The following GRIK4 variants were observed in gnomAD, a reference collection of about 807,000 sequenced individuals.
GRIK4 encodes the protein glutamate ionotropic receptor kainate type subunit 4, also known as glutamate receptor ionotropic, kainate 4.
In GRIK4, 40 loss-of-function variants were observed where a neutral mutation model predicts 104.9. The ratio of observed to expected loss-of-function variants is 0.38; its 90% CI spans 0.30 to 0.50. The LOEUF (loss-of-function observed/expected upper bound fraction) is 0.50. Ranked by LOEUF, GRIK4 falls within the 20% of genes least tolerant of loss-of-function variation. The pLI is 0.93. For missense variants in GRIK4, 1,047 were observed against 1,308.1 expected (o/e 0.80, Z 3.08); for synonymous variants, 485 against 524.9 (o/e 0.92, Z 1.04).
intron 1 of GRIK4, among the ~76,000 whole-genome samples, chr11:120,612,015 G>A (rs1397162709): frequency 6.6e-6 from 1 of 152,206 alleles, no homozygotes; most frequent in Admixed American, 6.5e-5. Flanking sequence ...AGGGCCGATT[G>A]TAACTTAGGT....
At chr11:120,851,993 A>G (rs941220036) in intron 8 of GRIK4, among the ~76,000 whole-genome samples, 14 of 152,166 alleles carry the variant, frequency 9.2e-5, no homozygotes, top group African/African-American at 1.7e-4. Flanking sequence ...CAACTGATGT[A>G]TAGACAGGAG....
chr11:120,796,543 G>T (rs532283503), intron 3 of GRIK4, among the ~76,000 whole-genome samples: 1 of 152,262 alleles, frequency 6.6e-6, no homozygotes, highest in African/African-American at 2.4e-5. Flanking sequence ...CTGTGGCTAG[G>T]GGGTCAGAGA....
rs112905766 is a variant in GRIK4, at chr11:120,528,521, C to A, written c.-159+16634C>A. 2.6e-3 allele frequency among the ~76,000 whole-genome samples: 399 copies of A among 152,280 alleles called. 3 individuals are homozygous for A. The highest frequency in any genetic ancestry group is 9.3e-3 in the African/African-American group (386 of 41,546). On this transcript the variant is annotated intron_variant, in intron 1 of 20. Transcript: ENST00000527524. ...ATGGGGGACCCTTCTTTCCTCTGAG[C>A]CTGTCTTAGGGAACCCATCTGTATT...
intron 8 of GRIK4, among the ~76,000 whole-genome samples, chr11:120,840,761 G>C (rs1396693356): frequency 6.6e-6 from 1 of 152,154 alleles, no homozygotes; most frequent in Non-Finnish European, 1.5e-5. Context: ...CTGCCTGCCT[G>C]CCTGCCTTTG....
At position 120,986,205 on chromosome 11, in the gene GRIK4, G is replaced by C. The variant is rs1242268054; in HGVS notation, c.2816G>C (p.Arg939Pro). 2.5e-6 allele frequency: 4 copies of C among 1,570,232 alleles called. No individual in the cohort carries two copies. The highest frequency in any genetic ancestry group is 2.3e-5 in the South Asian group (2 of 88,066). ...QGLRARPSPA[R>P]SEESLEWEKT... is the part of the protein sequence containing the mutation. ...CTGCGGGCACGGCCGTCGCCCGCCCGCAGCGAGGAGAGCCTGGAGTGGGAG... is the reference window on the plus strand; with the variant it reads ...CTGCGGGCACGGCCGTCGCCCGCCCCCAGCGAGGAGAGCCTGGAGTGGGAG... Residue 939 changes from arginine to proline, a missense_variant, in exon 21 of 21, where the codon CGC becomes CCC. Arg to Pro is a moderately radical substitution (Grantham distance 103). Around this residue, in one of 3 missense-constraint regions of GRIK4, gnomAD observed 160 missense variants for 140.9 expected, o/e 1.14. Coordinates refer to ENST00000527524, the MANE Select transcript of GRIK4 (RefSeq NM_014619.5).
In GRIK4 at chr11:120,596,135, T is replaced by C. The variant is rs115536110; in HGVS notation, c.-158-57550T>C. On this transcript the variant is annotated intron_variant, in intron 1 of 20. Transcript: ENST00000527524. ...TGCTGGGATTACAGGCACGGGCCACTGTGCCCGACCGGGATGGCTTTTTTA... is the reference window on the plus strand; with the variant it reads ...TGCTGGGATTACAGGCACGGGCCACCGTGCCCGACCGGGATGGCTTTTTTA... Among the ~76,000 whole-genome samples the C allele has an allele frequency of 6.9e-3, 1,055 of 152,322 alleles. 9 individuals are homozygous for C. The highest frequency in any genetic ancestry group is 0.023 in the African/African-American group (977 of 41,580).
chr11:120,656,230 A>G (rs1274311020), intron 2 of GRIK4, among the ~76,000 whole-genome samples: 2 of 152,256 alleles, frequency 1.3e-5, no homozygotes, highest in African/African-American at 4.8e-5. Context: ...TGAAAGCTTC[A>G]TCTTTCTGCT....
chr11:120,657,871 T>G (rs546171584), intron 2 of GRIK4, among the ~76,000 whole-genome samples: 1 of 152,190 alleles, frequency 6.6e-6, no homozygotes, highest in Non-Finnish European at 1.5e-5. Flanking sequence ...CCCATAAGTT[T>G]ACAGCTCAGT....
At chr11:120,632,438 T>A (rs1252768919) in intron 1 of GRIK4, among the ~76,000 whole-genome samples, 2 of 152,058 alleles carry the variant, frequency 1.3e-5, no homozygotes, top group African/African-American at 4.8e-5. Context: ...ATGCTCCGTG[T>A]CCCCTTCTCC....
At chr11:120,552,618 T>C (rs1948150335) in intron 1 of GRIK4, among the ~76,000 whole-genome samples, 2 of 152,190 alleles carry the variant, frequency 1.3e-5, no homozygotes. Context: ...TTTGTGGTTT[T>C]CTACAGGAAC....
chr11:120,831,745 C>CG (rs889557308), intron 6 of GRIK4, 107 bp from the exon 7 acceptor site: 1 of 784,076 alleles, frequency 1.3e-6, no homozygotes, highest in African/African-American at 1.7e-5. Flanking sequence ...GGCCAGACCC[C>CG]CCGACCCCAC....
At chr11:120,670,711 T>C (rs914638714) in intron 3 of GRIK4, among the ~76,000 whole-genome samples, 5 of 152,228 alleles carry the variant, frequency 3.3e-5, no homozygotes, top group African/African-American at 4.8e-5. Flanking sequence ...TTTTTTATTT[T>C]TATTTTTATT....
chr11:120,520,591 G>A (rs557222153), intron 1 of GRIK4, among the ~76,000 whole-genome samples: 2 of 152,324 alleles, frequency 1.3e-5, no homozygotes, highest in East Asian at 3.9e-4. Context: ...GACTTTAGGA[G>A]GTTAAAAGCA....
intron 1 of GRIK4, among the ~76,000 whole-genome samples, chr11:120,585,349 T>C (rs1011860805): frequency 1.2e-4 from 18 of 151,394 alleles, no homozygotes; most frequent in Non-Finnish European, 2.2e-4. Flanking sequence ...CTCTCTTTTT[T>C]TTTTTTCTTT....
In GRIK4 at chr11:120,817,827, C is replaced by T. The variant is rs554510496; in HGVS notation, c.346-1928C>T. Among the ~76,000 whole-genome samples, 31 of 152,306 alleles carry T rather than the reference C, an allele frequency of 2.0e-4. No homozygotes were observed. In the South Asian group the frequency reaches 2.7e-3, roughly 13 times the overall value. On this transcript the variant is annotated intron_variant, in intron 5 of 20. Transcript: ENST00000527524. ...CCTTCCTCAGCCCTCACCCCCTGTA[C>T]GCACAACTCCAAGAGCTTTGCGGGA...
rs756950125 is a variant in GRIK4 at position 120,819,712 on chromosome 11, C to T, written c.346-43C>T. On this transcript the variant is annotated intron_variant, in intron 5 of 20. Coordinates refer to ENST00000527524, the MANE Select transcript of GRIK4 (RefSeq NM_014619.5). This position sits in a 1 kb window ranked among gnomAD's most constrained non-coding sequence, Gnocchi z 4.3. ...TCATCCCTCTTTCTTCCTTTTCACC[C>T]ACCTGGATCCTCCCTGCTGTCCGTT... 53 of 1,596,970 alleles carry T rather than the reference C, an allele frequency of 3.3e-5. No homozygotes were observed. Among genetic ancestry groups the T allele is most frequent in the Non-Finnish European group, 4.3e-5 (50 of 1,165,018 alleles).
At chr11:120,612,955 G>A (rs1949056373) in intron 1 of GRIK4, among the ~76,000 whole-genome samples, 1 of 152,208 alleles carries the variant, frequency 6.6e-6, no homozygotes, top group Non-Finnish European at 1.5e-5. Context: ...AAACCCGAGT[G>A]TGTGTGTGAG....
chr11:120,947,859 A>T (rs1217058418), intron 14 of GRIK4, among the ~76,000 whole-genome samples: 1 of 152,204 alleles, frequency 6.6e-6, no homozygotes, highest in East Asian at 1.9e-4. Flanking sequence ...ACCACTCAGC[A>T]AGTCCAGGTC....
chr11:120,931,281 A>T (rs1251646709), intron 13 of GRIK4, among the ~76,000 whole-genome samples: 1 of 152,144 alleles, frequency 6.6e-6, no homozygotes, highest in East Asian at 1.9e-4. Flanking sequence ...CCCTGCAGGG[A>T]CTGGAGAGAA....
Sources: allele counts gnomAD v4.1 joint callset (sites outside exome capture counted in the v4.1 genomes callset), GRCh38; gene constraint gnomAD v4.1.1; regional missense constraint gnomAD v4.1.1; non-coding constraint Gnocchi (gnomAD v3.1); transcripts MANE v1.5; gene names NCBI Gene and HGNC (gene_info 2026-07-23, HGNC 2026-07-21).